PCDHGB4: variants seen among roughly 807,000 people sequenced by gnomAD.
The protein encoded by PCDHGB4 is protocadherin gamma-B4.
A neutral mutation model predicts 60.5 loss-of-function variants in PCDHGB4; 38 were observed. That is an observed-to-expected ratio of 0.63 (90% confidence interval 0.48 to 0.82). PCDHGB4 has a LOEUF of 0.82. Among genes scored for constraint, PCDHGB4 ranks in the 40% least tolerant of loss-of-function variants. PCDHGB4 has a pLI of 0.00. For missense variants in PCDHGB4, 1,109 were observed against 1,209.6 expected (o/e 0.92, Z 1.23); for synonymous variants, 456 against 509.7 (o/e 0.89, Z 1.42).
At position 141,389,943 on chromosome 5, in the gene PCDHGB4, CAGTTTT is replaced by C. The variant is rs777429461; in HGVS notation, c.2061_2066del (p.Gln687_Tyr689delinsHis). The C allele has an allele frequency of 2.5e-6, 4 of 1,613,956 alleles. No homozygotes were observed. In the African/African-American group the frequency reaches 5.3e-5, roughly 22 times the overall value. On this transcript the variant is annotated inframe_deletion, in exon 1 of 4. Transcript: ENST00000519479. The stretch of plus-strand genomic sequence containing the variant: ...CCCCTCTGACCTCCAGGCTGAGCTG[CAGTTTT>C]ACCTAGTGGTGGCCTTGGCCTTGAT...
At chr5:141,510,682 GA>G (rs1303501817) in intron 3 of PCDHGB4, among the ~76,000 whole-genome samples, 6 of 152,154 alleles carry the variant, frequency 3.9e-5, no homozygotes, top group Non-Finnish European at 8.8e-5. Flanking sequence ...GTGGCATAAG[GA>G]GGTTAGGTAG....
In PCDHGB4 at chr5:141,491,149, G is replaced by T; in HGVS notation, c.2398-3658G>T. 6.8e-6 allele frequency: 11 copies of T among 1,614,152 alleles called. No homozygotes were observed. The highest frequency in any genetic ancestry group is 9.3e-6 in the Non-Finnish European group (11 of 1,180,010). On this transcript the variant is annotated intron_variant, in intron 1 of 3. Transcript: ENST00000519479. This position sits in a 1 kb window ranked among gnomAD's most constrained non-coding sequence, Gnocchi z 6.9. ...GCGCACAGCCCGGGCCTTACTGGAGGATGACTCTGACACCCAGCAGGTGGT... is the reference window on the plus strand; with the variant it reads ...GCGCACAGCCCGGGCCTTACTGGAGTATGACTCTGACACCCAGCAGGTGGT...
chr5:141,451,069 C>G (rs2098705799), intron 1 of PCDHGB4, among the ~76,000 whole-genome samples: 1 of 151,836 alleles, frequency 6.6e-6, no homozygotes, highest in Non-Finnish European at 1.5e-5. Flanking sequence ...ACCTTGTGAT[C>G]CACCCACCTT....
rs141873183 is a variant in PCDHGB4 at position 141,511,011 on chromosome 5, C to T, written c.2610C>T (p.Tyr870=). The T allele has an allele frequency of 1.5e-5, 24 of 1,614,082 alleles. No individual in the cohort carries two copies. Among genetic ancestry groups the T allele is most frequent in the Middle Eastern group, 1.6e-4 (1 of 6,084 alleles). Residue 870 remains tyrosine (Y), a synonymous_variant, in exon 4 of 4, where the codon TAC becomes TAT. Transcript: ENST00000519479. ...GAGTMGLSAR[Y]GPQFTLQHVP... The stretch of plus-strand genomic sequence containing the variant: ...GCACCATGGGATTGAGCGCCCGCTA[C>T]GGACCCCAGTTCACCCTGCAGCACG...
At chr5:141,420,256 TAAG>T (rs749213635) in intron 1 of PCDHGB4, 12 of 1,569,010 alleles carry the variant, frequency 7.6e-6, no homozygotes, top group South Asian at 1.2e-5. Context: ...TTGAAGCAGA[TAAG>T]AAGATTCTTA....
intron 1 of PCDHGB4, among the ~76,000 whole-genome samples, chr5:141,468,824 C>A (rs1288506117): frequency 6.6e-6 from 1 of 152,010 alleles, no homozygotes; most frequent in Non-Finnish European, 1.5e-5. Flanking sequence ...CAAGATCAAG[C>A]CACTGCACTC....
chr5:141,485,185 G>C lies in PCDHGB4; in HGVS notation c.2398-9622G>C. On this transcript the variant is annotated intron_variant, in intron 1 of 3. Transcript: ENST00000519479. This position sits in a 1 kb window ranked among gnomAD's most constrained non-coding sequence, Gnocchi z 5.7. ...AGCGGGCGGCAGCAATGCTCCGCAA[G>C]GTGAGAAGCTGGACAGAAATCTGGC... 6.2e-7 allele frequency: 1 copy of C among 1,613,528 alleles called. No homozygotes were observed. Among genetic ancestry groups the C allele is most frequent in the Non-Finnish European group, 8.5e-7 (1 of 1,179,492 alleles).
rs1331251272 is a variant in PCDHGB4 at position 141,394,996 on chromosome 5, C to G, written c.2397+4715C>G. The G allele has an allele frequency of 3.1e-6, 5 of 1,614,034 alleles. No individual in the cohort carries two copies. In the South Asian group the frequency reaches 5.5e-5, roughly 18 times the overall value. On this transcript the variant is annotated intron_variant, in intron 1 of 3. Coordinates refer to ENST00000519479, the MANE Select transcript of PCDHGB4 (RefSeq NM_003736.4). ...CACAAGTCACGCCTGCTCCAGGATTCCGGTGGCAGATTGGTAGGCGTGCCT... is the reference window on the plus strand; with the variant it reads ...CACAAGTCACGCCTGCTCCAGGATTGCGGTGGCAGATTGGTAGGCGTGCCT...
rs751874380 is a variant in PCDHGB4 at position 141,486,055 on chromosome 5, C to A, written c.2398-8752C>A. ...CTGATCGTGTAAGAAACCTCTTTAG[C>A]CTGCACCCCACTACTGGAAAGCTTA... On this transcript the variant is annotated intron_variant, in intron 1 of 3. Transcript: ENST00000519479. The surrounding 1 kb of genome is among the most constrained non-coding windows in gnomAD (Gnocchi z 5.0). The A allele has an allele frequency of 6.2e-7, 1 of 1,614,170 alleles. No individual in the cohort carries two copies. Among genetic ancestry groups the A allele is most frequent in the South Asian group, 1.1e-5 (1 of 91,072 alleles).
intron 1 of PCDHGB4, among the ~76,000 whole-genome samples, chr5:141,449,762 G>T (rs909809198): frequency 6.6e-6 from 1 of 151,458 alleles, no homozygotes; most frequent in Non-Finnish European, 1.5e-5. Context: ...ACATTTGAGA[G>T]TAAGTTGTAG....
Position 141,388,324 on chromosome 5 carries a change from A to T in PCDHGB4, c.440A>T (p.Gln147Leu). 6.2e-7 allele frequency: 1 copy of T among 1,613,978 alleles called. No homozygotes were observed. Among genetic ancestry groups the T allele is most frequent in the East Asian group, 2.2e-5 (1 of 44,882 alleles). ...SFELQISESA[Q>L]PGTRFILGSA... ...GAGCTGCAAATAAGTGAGTCTGCAC[A>T]GCCTGGCACACGATTTATATTAGGA... The change falls in exon 1 of 4, where the codon CAG (glutamine) becomes CTG (leucine). Residue 147 changes from glutamine to leucine, a missense_variant. Coordinates refer to ENST00000519479, the MANE Select transcript of PCDHGB4 (RefSeq NM_003736.4).
At position 141,431,215 on chromosome 5, in the gene PCDHGB4, C is replaced by G. The variant is rs1225114172; in HGVS notation, c.2397+40934C>G. 1 of 1,614,184 alleles carries G rather than the reference C, an allele frequency of 6.2e-7. No individual in the cohort carries two copies. Among genetic ancestry groups the G allele is most frequent in the Admixed American group, 1.7e-5 (1 of 60,032 alleles). On this transcript the variant is annotated intron_variant, in intron 1 of 3. Coordinates refer to ENST00000519479, the MANE Select transcript of PCDHGB4 (RefSeq NM_003736.4). This position sits in a 1 kb window ranked among gnomAD's most constrained non-coding sequence, Gnocchi z 4.8. ...AAAATGCAGCCACTGAGATGCGGTTCCCTCTACCCCACGCCTGGGATCCGG... is the reference window on the plus strand; with the variant it reads ...AAAATGCAGCCACTGAGATGCGGTTGCCTCTACCCCACGCCTGGGATCCGG...
At chr5:141,409,702 G>C (rs545411022) in intron 1 of PCDHGB4, 2 of 1,613,108 alleles carry the variant, frequency 1.2e-6, no homozygotes, top group African/African-American at 2.7e-5. Context: ...AGCCCCTGGC[G>C]GTGTCGTCAT....
chr5:141,407,371 T>C (rs2094921499), intron 1 of PCDHGB4, among the ~76,000 whole-genome samples: 1 of 152,222 alleles, frequency 6.6e-6, no homozygotes, highest in South Asian at 2.1e-4. Context: ...CAGATATCCA[T>C]GAAGGCTTGT....
chr5:141,422,836 G>A, intron 1 of PCDHGB4: 1 of 1,614,250 alleles, frequency 6.2e-7, no homozygotes, highest in Middle Eastern at 1.6e-4. Flanking sequence ...GATAGCACGT[G>A]ACAGCGGGGA....
chr5:141,494,898 T>C, intron 2 of PCDHGB4, 33 bp downstream of exon 2: 1 of 1,614,074 alleles, frequency 6.2e-7, no homozygotes, highest in Non-Finnish European at 8.5e-7. Flanking sequence ...CACCCTCTTC[T>C]CTGCGGCATT....
chr5:141,447,966 A>C (rs2098556806), intron 1 of PCDHGB4, among the ~76,000 whole-genome samples: 1 of 151,922 alleles, frequency 6.6e-6, no homozygotes, highest in Non-Finnish European at 1.5e-5. Context: ...GACACCTATA[A>C]TCCCAGCTAC....
At chr5:141,403,594 C>A in intron 1 of PCDHGB4, 2 of 1,613,848 alleles carry the variant, frequency 1.2e-6, no homozygotes, top group Non-Finnish European at 1.7e-6. Context: ...TCCTCACGGC[C>A]TCGGATGGCG....
At chr5:141,404,114 G>C (rs2094486353) in intron 1 of PCDHGB4, 4 of 1,613,348 alleles carry the variant, frequency 2.5e-6, no homozygotes, top group Non-Finnish European at 3.4e-6. Context: ...TTCTATCCAG[G>C]AGAATCTATC....
Sources: gnomAD v4.1 joint callset for allele counts (sites outside exome capture counted in the v4.1 genomes callset) on GRCh38, gnomAD v4.1.1 for gene constraint, Gnocchi (gnomAD v3.1) non-coding constraint, MANE v1.5 for transcripts, NCBI Gene and HGNC (gene_info 2026-07-23, HGNC 2026-07-21) for gene names.